Variants in ADGRB3 observed in about 807,000 individuals in gnomAD.
The protein encoded by ADGRB3 is brain-specific angiogenesis inhibitor 3.
A neutral mutation model predicts 193.4 loss-of-function variants in ADGRB3; 37 were observed. The observed-to-expected ratio is 0.19, with a 90% CI of 0.15 to 0.25. ADGRB3 has a LOEUF of 0.25. Ranked by LOEUF, ADGRB3 falls within the 10% of genes least tolerant of loss-of-function variation. ADGRB3 has a pLI of 1.00. For synonymous variants in ADGRB3, 690 were observed against 644.2 expected, an observed-to-expected ratio of 1.07 and a Z score of -1.08; for missense variants, 1,637 against 1,852.9, an observed-to-expected ratio of 0.88 and a Z score of 2.14.
chr6:69,060,797 A>C (rs919434505), intron 15 of ADGRB3, among the ~76,000 whole-genome samples: 2 of 152,050 alleles, frequency 1.3e-5, no homozygotes, highest in South Asian at 4.1e-4. Context: ...AGAAATGTTC[A>C]TAATTTCTCT....
At chr6:69,349,853 G>T (rs1769185147) in intron 26 of ADGRB3, among the ~76,000 whole-genome samples, 1 of 152,168 alleles carries the variant, frequency 6.6e-6, no homozygotes, top group African/African-American at 2.4e-5. Flanking sequence ...GGTCTGATTT[G>T]CTCAGTAGCT....
chr6:68,839,111 T>TAG (rs61560942), intron 3 of ADGRB3, among the ~76,000 whole-genome samples: 30,774 of 144,554 alleles, frequency 0.21, 3,625 homozygotes, highest in East Asian at 0.59. Flanking sequence ...CACACACACA[T>TAG]TCCCACATAC....
At chr6:69,115,605 TTAAA>T (rs749444877) in intron 17 of ADGRB3, among the ~76,000 whole-genome samples, 94 of 152,224 alleles carry the variant, frequency 6.2e-4, no homozygotes, top group Middle Eastern at 3.4e-3. Flanking sequence ...TAAAAATAAA[TTAAA>T]TAAAGAAAGA....
chr6:69,125,292 C>T (rs140937646), intron 17 of ADGRB3, among the ~76,000 whole-genome samples: 208 of 152,260 alleles, frequency 1.4e-3, no homozygotes, highest in African/African-American at 4.7e-3. Flanking sequence ...GACAGATCAG[C>T]GCTTCTCTGG....
intron 11 of ADGRB3, among the ~76,000 whole-genome samples, chr6:69,000,494 T>G (rs2150278677): frequency 6.6e-6 from 1 of 150,684 alleles, no homozygotes. Context: ...CATACTTATT[T>G]TCTATGTAAG....
At chr6:68,981,455 A>G (rs1422199477) in intron 10 of ADGRB3, among the ~76,000 whole-genome samples, 2 of 151,750 alleles carry the variant, frequency 1.3e-5, no homozygotes, top group Non-Finnish European at 3.0e-5. Flanking sequence ...GTCAGAGTTT[A>G]CAACATATTT....
At chr6:69,274,139 C>T (rs528315366) in intron 20 of ADGRB3, among the ~76,000 whole-genome samples, 198 of 152,224 alleles carry the variant, frequency 1.3e-3, no homozygotes, top group Non-Finnish European at 2.3e-3. Flanking sequence ...AAAAGATTAC[C>T]TATACATTGA....
At chr6:69,333,117 G>C (rs74971437) in intron 24 of ADGRB3, 109 bp downstream of exon 24, 245,809 of 1,222,626 alleles carry the variant, frequency 0.2, 27,414 homozygotes, top group African/African-American at 0.44. Flanking sequence ...TGTTATTGAT[G>C]TACTAGTGTG....
At chr6:68,771,192 A>G (rs1308240617) in intron 3 of ADGRB3, among the ~76,000 whole-genome samples, 1 of 152,124 alleles carries the variant, frequency 6.6e-6, no homozygotes, top group Non-Finnish European at 1.5e-5. Context: ...TTCAAATTCC[A>G]TGACAAATTT....
intron 3 of ADGRB3, among the ~76,000 whole-genome samples, chr6:68,825,026 C>A (rs1406678271): frequency 6.6e-6 from 1 of 151,860 alleles, no homozygotes; most frequent in East Asian, 1.9e-4. Flanking sequence ...GGCTAATTTT[C>A]TTTTTGTATT....
intron 3 of ADGRB3, among the ~76,000 whole-genome samples, chr6:68,871,776 A>G (rs534869968): frequency 7.2e-5 from 11 of 152,266 alleles, no homozygotes; most frequent in African/African-American, 2.4e-4. Flanking sequence ...TATTGAGCAT[A>G]TGTCTTAATC....
At chr6:68,659,305 A>G (rs1158561527) in intron 3 of ADGRB3, among the ~76,000 whole-genome samples, 1 of 150,364 alleles carries the variant, frequency 6.7e-6, no homozygotes, top group Non-Finnish European at 1.5e-5. Context: ...TTTTCTTGAT[A>G]AAAAACAGCT....
intron 3 of ADGRB3, among the ~76,000 whole-genome samples, chr6:68,708,424 C>T (rs1207870380): frequency 6.6e-6 from 1 of 152,110 alleles, no homozygotes; most frequent in African/African-American, 2.4e-5. Context: ...GCTAAATTGG[C>T]CTTGACTTAG....
At chr6:69,270,568 G>A (rs1201878133) in intron 20 of ADGRB3, among the ~76,000 whole-genome samples, 1 of 152,090 alleles carries the variant, frequency 6.6e-6, no homozygotes, top group East Asian at 1.9e-4. Context: ...GGAAAATGAA[G>A]CTGATTAAAT....
At chr6:69,387,754 G>C (rs574585219) in intron 31 of ADGRB3, among the ~76,000 whole-genome samples, 1 of 152,062 alleles carries the variant, frequency 6.6e-6, no homozygotes, top group African/African-American at 2.4e-5. Flanking sequence ...CATAGTTTCA[G>C]ATGATGTTTA....
intron 13 of ADGRB3, among the ~76,000 whole-genome samples, chr6:69,034,570 G>A (rs1770809816): frequency 6.8e-6 from 1 of 146,306 alleles, no homozygotes; most frequent in Non-Finnish European, 1.5e-5. Flanking sequence ...AAATTATATA[G>A]CTATATATTT....
chr6:68,941,298 T>C (rs931274756), intron 5 of ADGRB3, among the ~76,000 whole-genome samples: 2 of 152,144 alleles, frequency 1.3e-5, no homozygotes, highest in Non-Finnish European at 2.9e-5. Context: ...ACTAACTCAA[T>C]AGTATCTAAA....
chr6:68,827,710 T>C (rs1397742277), intron 3 of ADGRB3, among the ~76,000 whole-genome samples: 16 of 152,010 alleles, frequency 1.1e-4, no homozygotes, highest in Admixed American at 1.0e-3. Context: ...CTTTTAGGGG[T>C]ATGATGTCTA....
At chr6:69,138,888 CA>C (rs3839468) in intron 17 of ADGRB3, among the ~76,000 whole-genome samples, 1 of 151,944 alleles carries the variant, frequency 6.6e-6, no homozygotes, top group East Asian at 1.9e-4. Flanking sequence ...TTATGCCTGT[CA>C]AAAGACTCTA....
Sources: allele counts gnomAD v4.1 joint callset (sites outside exome capture counted in the v4.1 genomes callset), GRCh38; gene constraint gnomAD v4.1.1; transcripts MANE v1.5; gene names NCBI Gene and HGNC (gene_info 2026-07-23, HGNC 2026-07-21).